SAMMSON: variants seen among roughly 807,000 people sequenced by gnomAD.
SAMMSON encodes long intergenic non-protein coding RNA 1212.
chr3:70,383,351 A>T (rs899005476), intron 9 of SAMMSON, among the ~76,000 whole-genome samples: 1 of 151,502 alleles, frequency 6.6e-6, no homozygotes, highest in Non-Finnish European at 1.5e-5. Flanking sequence ...TAAAAATAAA[A>T]AAAAAAAACA....
chr3:70,185,035 C>T (rs1701081965), intron 4 of SAMMSON, among the ~76,000 whole-genome samples: 1 of 152,162 alleles, frequency 6.6e-6, no homozygotes, highest in South Asian at 2.1e-4. Context: ...CCATCAGTAG[C>T]TTGCAGAGAA....
At chr3:70,340,643 A>G (rs1397241050) in intron 7 of SAMMSON, among the ~76,000 whole-genome samples, 1 of 152,120 alleles carries the variant, frequency 6.6e-6, no homozygotes, top group Non-Finnish European at 1.5e-5. Context: ...ACCTCTGGAC[A>G]TTGAATATCT....
chr3:70,125,897 T>G (rs1459194157), intron 4 of SAMMSON: 1 of 694,934 alleles, frequency 1.4e-6, no homozygotes, highest in East Asian at 2.7e-5. Flanking sequence ...AATTCTTCAC[T>G]AGATAATTCC....
At chr3:70,308,542 T>G (rs1702424821) in intron 7 of SAMMSON, among the ~76,000 whole-genome samples, 1 of 152,172 alleles carries the variant, frequency 6.6e-6, no homozygotes, top group Non-Finnish European at 1.5e-5. Context: ...CCACCACTGA[T>G]GTGAACAGGC....
intron 4 of SAMMSON, among the ~76,000 whole-genome samples, chr3:70,088,934 G>A (rs2067296108): frequency 6.6e-6 from 1 of 152,032 alleles, no homozygotes; most frequent in African/African-American, 2.4e-5. Context: ...AAGTGACTAG[G>A]CACATTGTGT....
chr3:70,043,229 G>A (rs951790819), intron 3 of SAMMSON, among the ~76,000 whole-genome samples: 1 of 152,050 alleles, frequency 6.6e-6, no homozygotes, highest in Non-Finnish European at 1.5e-5. Flanking sequence ...AAAACCGAAA[G>A]CATCCTTGAG....
At chr3:70,275,130 T>C (rs979414869) in intron 6 of SAMMSON, among the ~76,000 whole-genome samples, 9 of 152,208 alleles carry the variant, frequency 5.9e-5, no homozygotes, top group African/African-American at 2.2e-4. Context: ...ACTGACTTTA[T>C]AGTTATTTAA....
intron 3 of SAMMSON, among the ~76,000 whole-genome samples, chr3:70,037,713 G>A (rs547788610): frequency 1.3e-5 from 2 of 152,204 alleles, no homozygotes; most frequent in African/African-American, 4.8e-5. Flanking sequence ...TGCACCTGTG[G>A]CAGACATTAC....
chr3:70,430,443 G>C (rs552732863), intron 2 of SAMMSON, among the ~76,000 whole-genome samples: 1 of 152,076 alleles, frequency 6.6e-6, no homozygotes, highest in African/African-American at 2.4e-5. Context: ...TGTTATGAGA[G>C]CATGTGACTT....
At chr3:70,058,434 T>C (rs2067175631) in intron 3 of SAMMSON, among the ~76,000 whole-genome samples, 1 of 152,012 alleles carries the variant, frequency 6.6e-6, no homozygotes, top group South Asian at 2.1e-4. Flanking sequence ...AAAAAGGTCT[T>C]CTAAAAATTC....
chr3:70,157,794 G>T (rs1228005827), intron 4 of SAMMSON, among the ~76,000 whole-genome samples: 1 of 152,020 alleles, frequency 6.6e-6, no homozygotes. Flanking sequence ...ATCTTGCAAG[G>T]AAATGCCATT....
intron 4 of SAMMSON, among the ~76,000 whole-genome samples, chr3:70,209,906 T>C (rs943055213): frequency 6.6e-6 from 1 of 152,110 alleles, no homozygotes; most frequent in Non-Finnish European, 1.5e-5. Flanking sequence ...CTTGTTCCAT[T>C]ACAGCTGCTT....
intron 2 of SAMMSON, among the ~76,000 whole-genome samples, chr3:70,419,656 T>A (rs906731796): frequency 2.6e-5 from 4 of 151,998 alleles, no homozygotes; most frequent in Non-Finnish European, 5.9e-5. Context: ...TGTTTGTTTT[T>A]GAGACTGAGT....
chr3:70,116,200 G>A (rs2067410102), intron 4 of SAMMSON, among the ~76,000 whole-genome samples: 1 of 151,490 alleles, frequency 6.6e-6, no homozygotes, highest in East Asian at 1.9e-4. Flanking sequence ...GCATTTATCT[G>A]AGCACAGATA....
intron 3 of SAMMSON, among the ~76,000 whole-genome samples, chr3:70,039,787 A>T (rs1046016636): frequency 4.6e-5 from 7 of 152,054 alleles, no homozygotes; most frequent in African/African-American, 1.7e-4. Flanking sequence ...CCCTGCAGCA[A>T]CTGGGTGCAC....
At chr3:70,065,536 A>C (rs2067206423) in intron 3 of SAMMSON, among the ~76,000 whole-genome samples, 1 of 152,060 alleles carries the variant, frequency 6.6e-6, no homozygotes, top group Admixed American at 6.6e-5. Context: ...TTTAGAAAAA[A>C]AAATGTGAGA....
chr3:70,268,250 T>G (rs1038233091), intron 6 of SAMMSON, among the ~76,000 whole-genome samples: 1 of 152,002 alleles, frequency 6.6e-6, no homozygotes, highest in Non-Finnish European at 1.5e-5. Context: ...GCAGGCAGAT[T>G]GCCTGAGCGC....
chr3:70,349,004 C>A (rs906183184), intron 7 of SAMMSON, among the ~76,000 whole-genome samples: 1 of 152,080 alleles, frequency 6.6e-6, no homozygotes, highest in African/African-American at 2.4e-5. Context: ...CAAGATGCTG[C>A]GGCTTGGTGT....
At chr3:70,306,130 G>T (rs1702397575) in intron 7 of SAMMSON, among the ~76,000 whole-genome samples, 1 of 152,082 alleles carries the variant, frequency 6.6e-6, no homozygotes, top group African/African-American at 2.4e-5. Context: ...TTGAGATGGA[G>T]TCTTGCTCTC....
Sources: gnomAD v4.1 joint callset for allele counts (sites outside exome capture counted in the v4.1 genomes callset) on GRCh38, gnomAD v4.1.1 for gene constraint, MANE v1.5 for transcripts, NCBI Gene and HGNC (gene_info 2026-07-23, HGNC 2026-07-21) for gene names.